CCDC171: variants seen among roughly 807,000 people sequenced by gnomAD.
The protein encoded by CCDC171 is coiled-coil domain containing 171, also known as coiled-coil domain-containing protein 171.
CCDC171 carries 177 observed loss-of-function variants against 168.2 expected under a neutral mutation model. That is an observed-to-expected ratio of 1.05 (90% CI 0.93 to 1.19). The LOEUF (loss-of-function observed/expected upper bound fraction) is 1.19, where lower values mean the gene tolerates loss of function less well. Among genes scored for constraint, CCDC171 ranks in the 50% most tolerant of loss-of-function variants. CCDC171 has a pLI of 0.00. For synonymous variants in CCDC171, 687 were observed against 540.8 expected (o/e 1.27, Z -3.75); for missense variants, 1,991 against 1,539.0 (o/e 1.29, Z -4.91).
intron 23 of CCDC171, among the ~76,000 whole-genome samples, chr9:15,863,283 C>G (rs1189217945): frequency 6.6e-6 from 1 of 151,896 alleles, no homozygotes; most frequent in Admixed American, 6.6e-5. Context: ...TTCAGTTTTC[C>G]CAGTGGTTTC....
upstream of CCDC171, among the ~76,000 whole-genome samples, chr9:16,042,252 C>G (rs1267400331): frequency 6.6e-6 from 1 of 152,112 alleles, no homozygotes; most frequent in Admixed American, 6.5e-5. Context: ...ACCAGAGAGC[C>G]TTTTGCAGCC....
At chr9:15,929,160 A>G (rs1435514664) in intron 25 of CCDC171, among the ~76,000 whole-genome samples, 2 of 151,688 alleles carry the variant, frequency 1.3e-5, no homozygotes, top group Admixed American at 6.6e-5. Flanking sequence ...GGATGGAGCA[A>G]GAAGTGCCAG....
intron 25 of CCDC171, among the ~76,000 whole-genome samples, chr9:15,943,097 C>T (rs2132316854): frequency 6.6e-6 from 1 of 151,970 alleles, no homozygotes; most frequent in South Asian, 2.1e-4. Flanking sequence ...TGTTTCGTAT[C>T]AAGTTTGTGG....
chr9:16,009,277 C>A (rs1274327835), intron 3 of CCDC171, among the ~76,000 whole-genome samples: 1 of 152,088 alleles, frequency 6.6e-6, no homozygotes, highest in Non-Finnish European at 1.5e-5. Context: ...AAGGAAACTT[C>A]TGTCCGCTTG....
chr9:15,728,175 C>G, intron 15 of CCDC171, 139 bp downstream of exon 15: 1 of 668,616 alleles, frequency 1.5e-6, no homozygotes, highest in Admixed American at 3.2e-5. Flanking sequence ...TTAATTATGG[C>G]TTGTCTACAA....
chr9:15,627,667 A>C (rs912192610), intron 7 of CCDC171, among the ~76,000 whole-genome samples: 1 of 152,216 alleles, frequency 6.6e-6, no homozygotes, highest in Non-Finnish European at 1.5e-5. Context: ...GTTTGAATGC[A>C]CTGTGGTCTT....
intron 21 of CCDC171, among the ~76,000 whole-genome samples, chr9:15,826,434 A>T (rs2060014335): frequency 6.6e-6 from 1 of 152,078 alleles, no homozygotes; most frequent in Non-Finnish European, 1.5e-5. Flanking sequence ...CCATATCAAG[A>T]TGTGGAGTCT....
intron 22 of CCDC171, 79 bp downstream of exon 22, chr9:15,846,926 C>G (rs1265282258): frequency 5.5e-6 from 7 of 1,269,096 alleles, no homozygotes; most frequent in Non-Finnish European, 7.6e-6. Flanking sequence ...GGTTTTAGCC[C>G]TGGATAATAC....
the CCDC171 span, among the ~76,000 whole-genome samples, chr9:16,072,282 A>C: frequency 6.6e-6 from 1 of 152,100 alleles, no homozygotes; most frequent in Non-Finnish European, 1.5e-5. Context: ...GATCAGTGTA[A>C]CCTTCTCAAT....
At chr9:15,668,261 A>G (rs576987439) in intron 9 of CCDC171, among the ~76,000 whole-genome samples, 27 of 152,282 alleles carry the variant, frequency 1.8e-4, no homozygotes, top group Admixed American at 1.7e-3. Context: ...TCTTATAAAG[A>G]TTGGACTGGA....
chr9:15,931,558 C>G (rs955145296), intron 25 of CCDC171, among the ~76,000 whole-genome samples: 1 of 147,378 alleles, frequency 6.8e-6, no homozygotes, highest in Non-Finnish European at 1.5e-5. Context: ...TATTTTCTGC[C>G]ATTCTGTAGG....
At chr9:15,847,727 A>G (rs1231470933) in intron 22 of CCDC171, among the ~76,000 whole-genome samples, 1 of 152,128 alleles carries the variant, frequency 6.6e-6, no homozygotes, top group East Asian at 1.9e-4. Flanking sequence ...AAATATCGTC[A>G]GATATGAATA....
At chr9:15,886,960 AGGTGGTTGGG>A (rs1004904225) in intron 24 of CCDC171, among the ~76,000 whole-genome samples, 1 of 152,132 alleles carries the variant, frequency 6.6e-6, no homozygotes, top group African/African-American at 2.4e-5. Flanking sequence ...ACAGAGTAGA[AGGTGGTTGGG>A]GGTGGTTGGG....
Position 15,591,527 on chromosome 9 carries a change from GA to G in CCDC171, c.520del (p.Ser174AlafsTer3). 3.2e-6 allele frequency: 5 copies of G among 1,580,562 alleles called. No individual in the cohort carries two copies. Among genetic ancestry groups the G allele is most frequent in the Non-Finnish European group, 4.3e-6 (5 of 1,166,206 alleles). ...TCGAGAATATGATTTACTTATGAAAGAAAAAAGCAGACTAGAGAAAACTCTA... is the reference window on the plus strand; with the variant it reads ...TCGAGAATATGATTTACTTATGAAAGAAAAAGCAGACTAGAGAAAACTCTA... Reference protein sequence around the residue: ...CNREYDLLMKEKSRLEKTLQE... With the variant: ...CNREYDLLMKXKSRLEKTLQE... On this transcript the variant is annotated frameshift_variant, in exon 5 of 26. Transcript: ENST00000380701. LOFTEE classifies it high-confidence loss of function.
At chr9:15,903,254 C>A (rs1003716316) in intron 24 of CCDC171, among the ~76,000 whole-genome samples, 7 of 152,100 alleles carry the variant, frequency 4.6e-5, no homozygotes, top group Admixed American at 2.0e-4. Flanking sequence ...CCCTGACCCC[C>A]GAGTAGCCTA....
chr9:15,645,579 C>T (rs1193480989), intron 7 of CCDC171, among the ~76,000 whole-genome samples: 1 of 152,148 alleles, frequency 6.6e-6, no homozygotes, highest in Non-Finnish European at 1.5e-5. Flanking sequence ...AAAACCATGG[C>T]ACGAGAACTA....
intron 6 of CCDC171, among the ~76,000 whole-genome samples, chr9:16,027,019 C>G (rs570618281): frequency 2.0e-5 from 3 of 152,302 alleles, no homozygotes; most frequent in African/African-American, 7.2e-5. Context: ...GGCTTATGAG[C>G]TATCAGTTCT....
Position 15,881,569 on chromosome 9 carries a change from T to C in CCDC171, c.3600+6906T>C, listed in dbSNP as rs183744856. ...CCTACTGATCTAACACTAGGTCTTA[T>C]TATTTCTATCACACCATATATTTGT... On this transcript the variant is annotated intron_variant, in intron 24 of 25. Coordinates refer to ENST00000380701, the MANE Select transcript of CCDC171 (RefSeq NM_173550.4). 2.0e-5 allele frequency among the ~76,000 whole-genome samples: 3 copies of C among 152,328 alleles called. No individual in the cohort carries two copies. In the East Asian group the frequency reaches 5.8e-4, roughly 29 times the overall value.
At chr9:16,003,938 GGGAGTCT>G (rs1359846522) in intron 3 of CCDC171, among the ~76,000 whole-genome samples, 1 of 152,208 alleles carries the variant, frequency 6.6e-6, no homozygotes, top group Non-Finnish European at 1.5e-5. Context: ...ACACACGGCG[GGGAGTCT>G]GGATTGGTTT....
Sources: allele counts gnomAD v4.1 joint callset (sites outside exome capture counted in the v4.1 genomes callset), GRCh38; gene constraint gnomAD v4.1.1; transcripts MANE v1.5; gene names NCBI Gene and HGNC (gene_info 2026-07-23, HGNC 2026-07-21).